The following ANK1 variants were observed in gnomAD, a reference collection of about 807,000 sequenced individuals.
ANK1 encodes ankyrin-1.
In ANK1, 51 loss-of-function variants were observed where a neutral mutation model predicts 210.4. The ratio of observed to expected loss-of-function variants is 0.24; its 90% CI spans 0.19 to 0.31. The LOEUF is 0.31. ANK1 is among the 10% of genes least tolerant of loss of function. ANK1 has a pLI of 1.00. For missense variants in ANK1, 2,051 were observed against 2,504.4 expected (o/e 0.82, Z 3.86); for synonymous variants, 967 against 1,025.9 (o/e 0.94, Z 1.10).
intron 42 of ANK1, among the ~76,000 whole-genome samples, chr8:41,657,229 T>C (rs1806064061): frequency 1.3e-5 from 2 of 152,142 alleles, no homozygotes; most frequent in African/African-American, 2.4e-5. Context: ...GTTCAGGAGA[T>C]GGCAGAGTCG....
chr8:41,766,205 A>T (rs1202172208), intron 1 of ANK1, among the ~76,000 whole-genome samples: 1 of 152,188 alleles, frequency 6.6e-6, no homozygotes, highest in African/African-American at 2.4e-5. Context: ...GCCAGAAGAC[A>T]GGCAGCAGCC....
intron 20 of ANK1, among the ~76,000 whole-genome samples, chr8:41,703,398 A>ATGTGTG (rs1350275887): frequency 2.1e-5 from 2 of 93,282 alleles, no homozygotes; most frequent in South Asian, 3.7e-4. Flanking sequence ...ATATATATGT[A>ATGTGTG]TATGTGTGTG....
At chr8:41,808,777 A>C (rs1230000428) in intron 1 of ANK1, among the ~76,000 whole-genome samples, 2 of 152,188 alleles carry the variant, frequency 1.3e-5, no homozygotes, top group Non-Finnish European at 2.9e-5. Flanking sequence ...TTGCTAATTT[A>C]AACGTTACAG....
chr8:41,729,536 G>A (rs551795677), intron 3 of ANK1, among the ~76,000 whole-genome samples: 10 of 152,308 alleles, frequency 6.6e-5, no homozygotes, highest in East Asian at 5.8e-4. Context: ...GGACTAAGGC[G>A]TGTGCCACCG....
At chr8:41,840,713 A>C (rs913617281) in intron 1 of ANK1, among the ~76,000 whole-genome samples, 1 of 152,224 alleles carries the variant, frequency 6.6e-6, no homozygotes. Flanking sequence ...TGGGGTCTCC[A>C]AAGACCGCCA....
chr8:41,894,475 T>G (rs1214224492), intron 1 of ANK1, among the ~76,000 whole-genome samples: 1 of 152,170 alleles, frequency 6.6e-6, no homozygotes, highest in Non-Finnish European at 1.5e-5. Flanking sequence ...CGCTTTCACA[T>G]GTGTGTATTA....
At chr8:41,892,884 G>C (rs1322526995) in intron 1 of ANK1, among the ~76,000 whole-genome samples, 1 of 152,192 alleles carries the variant, frequency 6.6e-6, no homozygotes, top group Non-Finnish European at 1.5e-5. Flanking sequence ...CTATGAATAG[G>C]ACATGGTCTT....
chr8:41,891,403 C>T (rs551335392), intron 1 of ANK1, among the ~76,000 whole-genome samples: 2 of 152,164 alleles, frequency 1.3e-5, no homozygotes, highest in South Asian at 2.1e-4. Flanking sequence ...GTGTCCCCTG[C>T]CCAGGGAGGT....
intron 23 of ANK1, 49 bp downstream of exon 23, chr8:41,699,403 A>C (rs1487820417): frequency 6.5e-7 from 1 of 1,540,612 alleles, no homozygotes; most frequent in Non-Finnish European, 9.0e-7. Flanking sequence ...TCTGAGCCAC[A>C]GGGTTGCATC....
rs190831967 is a variant in ANK1 at position 41,806,228 on chromosome 8, A to G, written c.127-48091T>C. Among the ~76,000 whole-genome samples, 445 of 152,336 alleles carry G rather than the reference A, an allele frequency of 2.9e-3. 3 individuals carry two copies. Among genetic ancestry groups the G allele is most frequent in the Admixed American group, 5.3e-3 (81 of 15,296 alleles). ...TTTTTAAAAATCACAGAACCAGAGTATGATAGACTGGACAAGAACTCAGTG... is the reference window on the plus strand; with the variant it reads ...TTTTTAAAAATCACAGAACCAGAGTGTGATAGACTGGACAAGAACTCAGTG... On this transcript the variant is annotated intron_variant, in intron 1 of 42. Coordinates refer to the ANK1 transcript ENST00000265709.
At chr8:41,696,931 G>A (rs184698040) in intron 24 of ANK1, among the ~76,000 whole-genome samples, 158 bp from the exon 25 acceptor site, 50 of 152,316 alleles carry the variant, frequency 3.3e-4, no homozygotes, top group Middle Eastern at 6.8e-3. Context: ...AGACAAGGCC[G>A]TCCTGAGGTC....
chr8:41,665,155 GTTTGCTCTC>G, intron 39 of ANK1: 2 of 1,536,344 alleles, frequency 1.3e-6, no homozygotes, highest in Non-Finnish European at 1.7e-6. Flanking sequence ...TATCTCTCTG[GTTTGCTCTC>G]TTGGTCTCTC....
rs1307190296 is a variant in ANK1 at position 41,654,452 on chromosome 8, G to C, written c.*1338C>G. 6.6e-6 allele frequency: 1 copy of C among 152,652 alleles called. No homozygotes were observed. The allele number at this position is 152,652 out of a possible 1,614,324, so 9.5% of individuals were successfully genotyped here. On this transcript the variant is annotated 3_prime_UTR_variant, in exon 43 of 43. Transcript: ENST00000289734. Reference sequence around the variant, plus strand: ...AGGGGAGGCACTGAGGCAGGACAGGGAACAGCCTCGAGCCTGGCACCTGCA... The same window carrying C: ...AGGGGAGGCACTGAGGCAGGACAGGCAACAGCCTCGAGCCTGGCACCTGCA...
intron 17 of ANK1, among the ~76,000 whole-genome samples, chr8:41,706,970 C>T (rs552613618): frequency 2.6e-5 from 4 of 152,322 alleles, no homozygotes; most frequent in East Asian, 1.9e-4. Flanking sequence ...CGTGGTGGCT[C>T]ATGCCTGTAA....
intron 1 of ANK1, among the ~76,000 whole-genome samples, chr8:41,814,288 A>G (rs1802965525): frequency 6.6e-6 from 1 of 150,828 alleles, no homozygotes; most frequent in Admixed American, 6.7e-5. Flanking sequence ...TGAACCCAGG[A>G]GGCGGAGCTT....
intron 1 of ANK1, among the ~76,000 whole-genome samples, chr8:41,859,410 G>A (rs2150817165): frequency 6.6e-6 from 1 of 152,338 alleles, no homozygotes; most frequent in Middle Eastern, 3.4e-3. Context: ...GCTGTGACAT[G>A]ATCTTGGCTC....
At chr8:41,843,095 G>A (rs1018342897) in intron 1 of ANK1, among the ~76,000 whole-genome samples, 16 of 152,118 alleles carry the variant, frequency 1.1e-4, no homozygotes, top group Non-Finnish European at 1.6e-4. Context: ...TGATCCGCCC[G>A]CCTCGGCTTC....
intron 37 of ANK1, among the ~76,000 whole-genome samples, chr8:41,679,610 G>A (rs958548146): frequency 2.8e-5 from 4 of 144,186 alleles, no homozygotes; most frequent in Admixed American, 1.4e-4. Context: ...TGGCCCAGGC[G>A]GGAGTGCAGT....
At chr8:41,831,714 C>A (rs1587287000) in intron 1 of ANK1, among the ~76,000 whole-genome samples, 1 of 151,650 alleles carries the variant, frequency 6.6e-6, no homozygotes, top group Non-Finnish European at 1.5e-5. Flanking sequence ...AAGGAAGGAC[C>A]ATTAAGAAGG....
Sources: allele counts gnomAD v4.1 joint callset (sites outside exome capture counted in the v4.1 genomes callset), GRCh38; gene constraint gnomAD v4.1.1; transcripts MANE v1.5; gene names NCBI Gene and HGNC (gene_info 2026-07-23, HGNC 2026-07-21).